The following LIPA variants were observed in gnomAD, a reference collection of about 807,000 sequenced individuals.
LIPA encodes the protein lysosomal acid lipase/cholesteryl ester hydrolase.
Under a neutral mutation model 40.6 loss-of-function variants are expected in LIPA, and 26 were observed. The observed-to-expected ratio is 0.64, with a 90% CI of 0.47 to 0.89. The LOEUF is 0.89. Ranked by LOEUF, LIPA falls within the 40% of genes least tolerant of loss-of-function variation. The pLI is 0.00. For missense variants in LIPA, 455 were observed against 479.6 expected (o/e 0.95, Z 0.48); for synonymous variants, 188 against 168.4 (o/e 1.12, Z -0.90).
chr10:89,239,214 C>T (rs1842938835), intron 3 of LIPA, among the ~76,000 whole-genome samples: 1 of 152,238 alleles, frequency 6.6e-6, no homozygotes, highest in African/African-American at 2.4e-5. Context: ...CCACTTTCCA[C>T]AGTGTGACTT....
At chr10:89,396,710 C>T (rs1052522188) in intron 2 of LIPA, among the ~76,000 whole-genome samples, 3 of 152,222 alleles carry the variant, frequency 2.0e-5, no homozygotes, top group Non-Finnish European at 4.4e-5. Flanking sequence ...TGTATCCAAA[C>T]CATAGCACTT....
rs749201673 is a variant in LIPA at position 89,387,454 on chromosome 10, A to G, written c.61+25337T>C. On this transcript the variant is annotated intron_variant, in intron 2 of 8. Coordinates refer to the LIPA transcript ENST00000371837. ...TGCTGCTTTTATCAGTGGCTTCTAC[A>G]TGCAATATGGGCCAGCGAAGAAGAG... is the stretch of plus-strand genomic sequence containing the variant. 3.9e-5 allele frequency among the ~76,000 whole-genome samples: 6 copies of G among 152,192 alleles called. No homozygotes were observed. In the East Asian group the frequency reaches 1.2e-3, roughly 29 times the overall value.
intron 1 of LIPA, among the ~76,000 whole-genome samples, chr10:89,335,015 A>G (rs1463310840): frequency 6.6e-6 from 1 of 152,094 alleles, no homozygotes; most frequent in Admixed American, 6.6e-5. Context: ...AAACCTCCTG[A>G]CCTGTGGCTC....
intron 2 of LIPA, chr10:89,362,287 T>G (rs1844027437): frequency 6.5e-6 from 1 of 152,694 alleles, no homozygotes; most frequent in Admixed American, 6.5e-5. Flanking sequence ...CTGTTTATTT[T>G]CACAGTAAAA....
At chr10:89,392,466 T>TCACCCCCC in intron 2 of LIPA, 1 of 285,990 alleles carries the variant, frequency 3.5e-6, no homozygotes, top group Non-Finnish European at 5.8e-6. Context: ...AAAGTTTCAT[T>TCACCCCCC]CCCCACCCCC....
chr10:89,354,650 C>T (rs1843980058), intron 2 of LIPA, among the ~76,000 whole-genome samples: 1 of 152,290 alleles, frequency 6.6e-6, no homozygotes, highest in South Asian at 2.1e-4. Flanking sequence ...TCAATGCAAC[C>T]TCTGCCTCTC....
At chr10:89,270,259 C>T (rs1120669) in intron 1 of LIPA, among the ~76,000 whole-genome samples, 112,195 of 152,128 alleles carry the variant, frequency 0.74, 42,490 homozygotes, top group East Asian at 0.97. Flanking sequence ...TTCATTGTCC[C>T]ATTTTAGGGA....
intron 3 of LIPA, among the ~76,000 whole-genome samples, chr10:89,237,120 G>A (rs927211984): frequency 1.6e-4 from 25 of 152,148 alleles, no homozygotes; most frequent in African/African-American, 5.8e-4. Flanking sequence ...ATCAAAAATT[G>A]TTTTAAAAAT....
intron 1 of LIPA, among the ~76,000 whole-genome samples, chr10:89,335,169 A>G (rs1843715710): frequency 6.6e-6 from 1 of 152,186 alleles, no homozygotes; most frequent in African/African-American, 2.4e-5. Flanking sequence ...AAAAATCAAG[A>G]GAATCAAGGG....
At chr10:89,233,033 G>A (rs1395121983) in intron 3 of LIPA, among the ~76,000 whole-genome samples, 2 of 152,156 alleles carry the variant, frequency 1.3e-5, no homozygotes, top group Non-Finnish European at 2.9e-5. Context: ...CACCCAGACC[G>A]AATTCACACC....
intron 1 of LIPA, among the ~76,000 whole-genome samples, chr10:89,263,974 A>G (rs1443568734): frequency 6.6e-6 from 1 of 152,216 alleles, no homozygotes; most frequent in Non-Finnish European, 1.5e-5. Context: ...TCTCCTATGG[A>G]CACCCAAGTC....
intron 1 of LIPA, among the ~76,000 whole-genome samples, chr10:89,301,656 AGT>A (rs1843445768): frequency 1.3e-5 from 2 of 152,348 alleles, no homozygotes; most frequent in East Asian, 3.9e-4. Context: ...CTTAGCAGGA[AGT>A]GGGGTTTGCT....
At chr10:89,297,049 T>C (rs777185473) in intron 1 of LIPA, among the ~76,000 whole-genome samples, 1 of 152,072 alleles carries the variant, frequency 6.6e-6, no homozygotes, top group Admixed American at 6.5e-5. Flanking sequence ...ATACCTCGAA[T>C]AGAACATCTA....
upstream of LIPA, among the ~76,000 whole-genome samples, chr10:89,252,244 TA>T (rs571738187): frequency 1.0e-4 from 16 of 152,388 alleles, no homozygotes; most frequent in South Asian, 3.1e-3. Context: ...TTAAATTTTT[TA>T]TTATTATTAA....
At chr10:89,233,729 C>T (rs771485068) in intron 3 of LIPA, among the ~76,000 whole-genome samples, 4 of 152,052 alleles carry the variant, frequency 2.6e-5, no homozygotes, top group Non-Finnish European at 5.9e-5. Flanking sequence ...GTGAAACCCT[C>T]GTGGTGGGTG....
At chr10:89,321,924 A>G (rs1843574375) in intron 1 of LIPA, among the ~76,000 whole-genome samples, 1 of 152,230 alleles carries the variant, frequency 6.6e-6, no homozygotes, top group African/African-American at 2.4e-5. Flanking sequence ...TTGTAGGGAC[A>G]TGGATGAAGC....
intron 1 of LIPA, among the ~76,000 whole-genome samples, chr10:89,280,325 C>T (rs762815424): frequency 6.6e-5 from 10 of 152,126 alleles, no homozygotes; most frequent in Non-Finnish European, 1.2e-4. Context: ...GGAAGAATCT[C>T]CCTCCATAGT....
chr10:89,319,578 C>T (rs1325285727), intron 1 of LIPA, among the ~76,000 whole-genome samples: 1 of 152,114 alleles, frequency 6.6e-6, no homozygotes, highest in South Asian at 2.1e-4. Flanking sequence ...TAATAGCCTA[C>T]CAACCAAAAA....
chr10:89,254,348 C>T (rs867107068), upstream of LIPA, among the ~76,000 whole-genome samples: 3 of 152,248 alleles, frequency 2.0e-5, no homozygotes. Context: ...CACATGGAAA[C>T]TGCCAAGGCT....
Sources: allele counts gnomAD v4.1 joint callset (sites outside exome capture counted in the v4.1 genomes callset), GRCh38; gene constraint gnomAD v4.1.1; transcripts MANE v1.5; gene names NCBI Gene and HGNC (gene_info 2026-07-23, HGNC 2026-07-21).